The following TMEM220 variants were observed in gnomAD, a reference collection of about 807,000 sequenced individuals.
The protein encoded by TMEM220 is transmembrane protein 220.
Under a neutral mutation model 21.7 loss-of-function variants are expected in TMEM220, and 21 were observed. The observed-to-expected ratio is 0.97, with a 90% confidence interval of 0.69 to 1.39. The LOEUF is 1.39. TMEM220 is among the 40% of genes most tolerant of loss of function. The pLI is 0.00. For missense variants in TMEM220, 191 were observed against 201.9 expected (o/e 0.95, Z 0.33); for synonymous variants, 80 against 73.6 (o/e 1.09, Z -0.45).
chr17:10,725,253 GC>G, intron 3 of TMEM220, 119 bp from the exon 4 acceptor site: 3 of 1,348,960 alleles, frequency 2.2e-6, no homozygotes, highest in South Asian at 1.4e-5. Flanking sequence ...GACTCCCTCA[GC>G]CCCATCGCCC....
Position 10,729,868 on chromosome 17 carries a change from CGCGGGGCGGTGAGTCCTGCCACGT to C in TMEM220, c.-41_-18del, listed in dbSNP as rs3842379. 8,803 of 1,311,402 alleles carry C rather than the reference CGCGGGGCGGTGAGTCCTGCCACGT, an allele frequency of 6.7e-3. 387 individuals are homozygous for C. The East Asian group carries it at 0.13, about 20-fold the overall frequency. The allele number at this position is 1,311,402 out of a possible 1,614,324, so 81.2% of individuals were successfully genotyped here. On this transcript the variant is annotated 5_prime_UTR_variant, in exon 1 of 6. Coordinates refer to ENST00000341871, the MANE Select transcript of TMEM220 (RefSeq NM_001004313.3). The stretch of plus-strand genomic sequence containing the variant: ...TGGCGCCATGGCTCGGAGAACACGG[CGCGGGGCGGTGAGTCCTGCCACGT>C]GCGGGGCGGTGAGTCCTGCCACGTA...
chr17:10,729,689 G>C (rs1173297503), intron 1 of TMEM220, 91 bp downstream of exon 1: 3 of 1,148,082 alleles, frequency 2.6e-6, no homozygotes, highest in Non-Finnish European at 3.4e-6. Context: ...GCGCCCCTGC[G>C]ACTCTGCCCG....
At chr17:10,720,845 T>C (rs1289735404) in intron 5 of TMEM220, among the ~76,000 whole-genome samples, 2 of 152,140 alleles carry the variant, frequency 1.3e-5, no homozygotes, top group African/African-American at 2.4e-5. Context: ...CATTTGGAGA[T>C]TGCATTTGTA....
chr17:10,723,372 G>A (rs1429376889), intron 4 of TMEM220, 43 bp from the exon 5 acceptor site: 1 of 1,461,828 alleles, frequency 6.8e-7, no homozygotes, highest in African/African-American at 1.4e-5. Context: ...GTGGCTACAA[G>A]TGAGATGCAT....
chr17:10,723,395 T>C (rs544166178), intron 4 of TMEM220, 66 bp from the exon 5 acceptor site: 1 of 1,187,198 alleles, frequency 8.4e-7, no homozygotes, highest in South Asian at 1.2e-5. Flanking sequence ...CATCACATTC[T>C]CTCCATGACC....
intron 5 of TMEM220, among the ~76,000 whole-genome samples, chr17:10,722,233 G>A (rs2075001765): frequency 1.3e-5 from 2 of 152,162 alleles, no homozygotes; most frequent in Admixed American, 6.5e-5. Context: ...GACCTCAGTT[G>A]ATCCGCCTGC....
rs2075106830 is a variant in TMEM220 at position 10,729,886 on chromosome 17, GCCAC to G, written c.-39_-36del. 3 of 1,268,126 alleles carry G rather than the reference GCCAC, an allele frequency of 2.4e-6. No individual in the cohort carries two copies. The highest frequency in any genetic ancestry group is 4.2e-5 in the East Asian group (1 of 23,886). 78.6% of individuals were successfully genotyped at this position (1,268,126 alleles called of 1,614,324 possible). ...AACACGGCGCGGGGCGGTGAGTCCT[GCCAC>G]GTGCGGGGCGGTGAGTCCTGCCACG... On this transcript the variant is annotated 5_prime_UTR_variant, in exon 1 of 6. Coordinates refer to ENST00000341871, the MANE Select transcript of TMEM220 (RefSeq NM_001004313.3).
intron 5 of TMEM220, among the ~76,000 whole-genome samples, chr17:10,721,664 C>T (rs969419067): frequency 1.4e-5 from 2 of 144,362 alleles, no homozygotes; most frequent in African/African-American, 5.2e-5. Flanking sequence ...GGCAGTGTGG[C>T]GTGGATAAGG....
intron 4 of TMEM220, among the ~76,000 whole-genome samples, chr17:10,724,778 A>T (rs1240810012): frequency 6.6e-6 from 1 of 152,168 alleles, no homozygotes; most frequent in Admixed American, 6.5e-5. Context: ...TGTAATATGT[A>T]GTGACTGCCA....
rs973409426 is a variant in TMEM220, at chr17:10,713,634, C to T, written c.*1819G>A. Reference sequence around the variant, plus strand: ...GCCACAAATATGTAAGCAAAATATACACTGGAAAACTCAAATCCTTTATGT... The same window carrying T: ...GCCACAAATATGTAAGCAAAATATATACTGGAAAACTCAAATCCTTTATGT... On this transcript the variant is annotated 3_prime_UTR_variant, in exon 6 of 6. Transcript: ENST00000341871. 1.3e-5 allele frequency: 2 copies of T among 152,056 alleles called. No individual in the cohort carries two copies. The highest frequency in any genetic ancestry group is 2.9e-5 in the Non-Finnish European group (2 of 68,006). 9.4% of individuals were successfully genotyped at this position (152,056 alleles called of 1,614,324 possible).
intron 5 of TMEM220, among the ~76,000 whole-genome samples, chr17:10,721,476 C>A (rs2074988006): frequency 2.0e-5 from 3 of 151,636 alleles, no homozygotes; most frequent in South Asian, 2.1e-4. Context: ...GTGGTGGCAC[C>A]TGCCTGTAAT....
intron 5 of TMEM220, among the ~76,000 whole-genome samples, chr17:10,717,856 T>C (rs2074941040): frequency 6.6e-6 from 1 of 152,062 alleles, no homozygotes. Context: ...TTTCTTTCAT[T>C]CTTGTCACCC....
In TMEM220 at chr17:10,713,367, C is replaced by A. The variant is rs1475887134; in HGVS notation, c.*2086G>T. The A allele has an allele frequency of 6.6e-6, 1 of 151,550 alleles. No individual in the cohort carries two copies. The highest frequency in any genetic ancestry group is 6.6e-5 in the Admixed American group (1 of 15,226). The allele number at this position is 151,550 out of a possible 1,614,324, so 9.4% of individuals were successfully genotyped here. Reference sequence around the variant, plus strand: ...AATACTCTTCAAAAGACTATTCCACCAAAAGTGCCTTTTATATGCTTAACT... The same window carrying A: ...AATACTCTTCAAAAGACTATTCCACAAAAAGTGCCTTTTATATGCTTAACT... On this transcript the variant is annotated 3_prime_UTR_variant, in exon 6 of 6. Transcript: ENST00000341871.
downstream of TMEM220, among the ~76,000 whole-genome samples, chr17:10,713,028 T>C (rs944190901): frequency 1.3e-5 from 2 of 152,174 alleles, no homozygotes; most frequent in African/African-American, 2.4e-5. Flanking sequence ...CCCAGCACTT[T>C]GGGAGGCCGA....
intron 4 of TMEM220, chr17:10,724,422 A>C (rs371061363): frequency 3.3e-5 from 5 of 152,926 alleles, no homozygotes; most frequent in African/African-American, 1.2e-4. Context: ...TCTACTAAAA[A>C]TACAAAAATT....
rs201664059 is a variant in TMEM220, at chr17:10,729,575, G to A, written c.72+205C>T. Among the ~76,000 whole-genome samples, 77 of 152,272 alleles carry A rather than the reference G, an allele frequency of 5.1e-4. 4 individuals carry two copies. The East Asian group carries it at 0.015, about 29-fold the overall frequency. ...CAGCCCCTTCCAGGGTGTGAGCCCT[G>A]GTATGGGACTCGCTTCCATGAACAC... On this transcript the variant is annotated intron_variant, in intron 1 of 5. Coordinates refer to ENST00000341871, the MANE Select transcript of TMEM220 (RefSeq NM_001004313.3).
Position 10,715,291 on chromosome 17 carries a change from C to A in TMEM220, c.*162G>T. ...AATATCAGACCATCTCTTACTTGTC[C>A]CATCCAATCTTACATCGAATTATAT... On this transcript the variant is annotated 3_prime_UTR_variant, in exon 6 of 6. Transcript: ENST00000341871. 1.7e-6 allele frequency: 1 copy of A among 572,790 alleles called. No homozygotes were observed. The allele number at this position is 572,790 out of a possible 1,614,324, so 35.5% of individuals were successfully genotyped here.
At chr17:10,720,604 AT>A (rs2074976477) in intron 5 of TMEM220, among the ~76,000 whole-genome samples, 1 of 152,146 alleles carries the variant, frequency 6.6e-6, no homozygotes, top group Admixed American at 6.5e-5. Context: ...AATATATCTT[AT>A]TTTATAGATT....
Position 10,715,283 on chromosome 17 carries a change from T to C in TMEM220, c.*170A>G. ...GTCTGGAAAATATCAGACCATCTCT[T>C]ACTTGTCCCATCCAATCTTACATCG... is the stretch of plus-strand genomic sequence containing the variant. On this transcript the variant is annotated 3_prime_UTR_variant, in exon 6 of 6. Coordinates refer to ENST00000341871, the MANE Select transcript of TMEM220 (RefSeq NM_001004313.3). The C allele has an allele frequency of 1.8e-6, 1 of 553,930 alleles. No individual in the cohort carries two copies. The highest frequency in any genetic ancestry group is 3.1e-6 in the Non-Finnish European group (1 of 325,392). The allele number at this position is 553,930 out of a possible 1,614,324, so 34.3% of individuals were successfully genotyped here. A position where few individuals can be genotyped will look rare whatever the true frequency, so the allele number is the denominator to read the frequency against.
Sources: gnomAD v4.1 joint callset for allele counts (sites outside exome capture counted in the v4.1 genomes callset) on GRCh38, gnomAD v4.1.1 for gene constraint, MANE v1.5 for transcripts, NCBI Gene and HGNC (gene_info 2026-07-23, HGNC 2026-07-21) for gene names.